Variants in DST observed in about 807,000 individuals in gnomAD.
DST encodes dystonin.
A neutral mutation model predicts 875.2 loss-of-function variants in DST; 253 were observed. That is an observed-to-expected ratio of 0.29 (90% CI 0.26 to 0.32). The LOEUF (loss-of-function observed/expected upper bound fraction) is 0.32, where lower values mean the gene tolerates loss of function less well. DST is among the 10% of genes least tolerant of loss of function. The probability of loss-of-function intolerance (pLI) is 1.00; values close to 1 mark genes in which losing one functional copy is unlikely to be tolerated. For missense variants in DST, 8,287 were observed against 9,111.6 expected (o/e 0.91, Z 3.68); for synonymous variants, 3,124 against 3,197.1 (o/e 0.98, Z 0.77).
intron 102 of DST, chr6:56,460,883 GAGA>G (rs2094293592): frequency 1.3e-5 from 2 of 152,004 alleles, no homozygotes; most frequent in South Asian, 4.1e-4. Context: ...GCAACATTTG[GAGA>G]AGTTTTTTTT....
In DST at chr6:56,676,694, TAA is replaced by T. The variant is rs34164286; in HGVS notation, c.1048-5889_1048-5888del. Among the ~76,000 whole-genome samples, 1,005 of 143,688 alleles carry T rather than the reference TAA, an allele frequency of 7.0e-3. 7 individuals are homozygous for T. Among genetic ancestry groups the T allele is most frequent in the African/African-American group, 0.02 (785 of 39,216 alleles). 94.3% of individuals were successfully genotyped at this position (143,688 alleles called of 152,430 possible). A position where few individuals can be genotyped will look rare whatever the true frequency, so the allele number is the denominator to read the frequency against. On this transcript the variant is annotated intron_variant, in intron 9 of 103. Transcript: ENST00000680361. Reference sequence around the variant, plus strand: ...CAAACAATACAGTACTGATCAGCCTTAAAAAAAAAAAAAAGGAGGAAATGTAG... The same window carrying T: ...CAAACAATACAGTACTGATCAGCCTTAAAAAAAAAAAAGGAGGAAATGTAG...
intron 4 of DST, among the ~76,000 whole-genome samples, chr6:56,808,428 T>A (rs571233325): frequency 6.6e-6 from 1 of 152,146 alleles, no homozygotes; most frequent in Non-Finnish European, 1.5e-5. Flanking sequence ...ACCACAGTAA[T>A]AATAAAACTT....
rs2098496064 is a variant in DST at position 56,606,208 on chromosome 6, T to C, written c.8420A>G (p.Asp2807Gly). ...TTCTTCATCAATGCCATCATCATCA[T>C]CGTCATCCTGATCATTACTGTCATA... ...YIYDSNDQDD[D>G]DDDGIDEEGG... is the part of the protein sequence containing the mutation. Residue 2807 changes from aspartate (D) to glycine (G), a missense_variant, in exon 40 of 104, where the codon GAT becomes GGT. Physicochemically the swap from Asp to Gly is moderately conservative, Grantham distance 94. Around this residue, in one of 10 missense-constraint regions of DST, gnomAD observed 3,138 missense variants for 3,116.6 expected, o/e 1.01. Coordinates refer to ENST00000680361, the MANE Select transcript of DST (RefSeq NM_001374736.1). 6.4e-7 allele frequency: 1 copy of C among 1,574,598 alleles called. No individual in the cohort carries two copies. Among genetic ancestry groups the C allele is most frequent in the Non-Finnish European group, 8.6e-7 (1 of 1,157,902 alleles).
chr6:56,641,115 CAG>C (rs145412096), intron 17 of DST, among the ~76,000 whole-genome samples: 1,958 of 141,970 alleles, frequency 0.014, 14 homozygotes, highest in Middle Eastern at 0.021. Flanking sequence ...TATTTATGCA[CAG>C]AGAGAGAGAG....
intron 3 of DST, among the ~76,000 whole-genome samples, chr6:56,874,177 A>G (rs967621147): frequency 1.3e-5 from 2 of 152,176 alleles, no homozygotes; most frequent in East Asian, 3.8e-4. Flanking sequence ...TAGTATCCAT[A>G]AAAATTAAAA....
intron 69 of DST, among the ~76,000 whole-genome samples, chr6:56,518,045 A>T (rs555398682): frequency 6.6e-6 from 1 of 152,300 alleles, no homozygotes; most frequent in South Asian, 2.1e-4. Flanking sequence ...AGTTCCAAGC[A>T]AAAAGAATAG....
chr6:56,909,543 CAG>C (rs1196866128), intron 2 of DST, among the ~76,000 whole-genome samples: 2 of 152,152 alleles, frequency 1.3e-5, no homozygotes, highest in Non-Finnish European at 2.9e-5. Flanking sequence ...AAACAACAAA[CAG>C]ATTTGTATTT....
Position 56,594,103 on chromosome 6 carries a change from G to A in DST, c.12286C>T (p.Leu4096Phe). 2 of 1,607,984 alleles carry A rather than the reference G, an allele frequency of 1.2e-6. No individual in the cohort carries two copies. The highest frequency in any genetic ancestry group is 1.1e-5 in the South Asian group (1 of 89,620). ...AGTTTCTCTTTTTCTTCAGGAGAGA[G>A]ATACTGACCCTGTTTCTCAAGCAAC... Reference protein sequence around the residue: ...QVLLEKQGQYLSPEEKEKLQK... With the variant: ...QVLLEKQGQYFSPEEKEKLQK... Residue 4096 changes from leucine (L) to phenylalanine (F), a missense_variant, in exon 48 of 104, where the codon CTC becomes TTC. This residue lies in a region of DST where 1,513 missense variants were observed against 1,677.8 expected (regional missense o/e 0.90). Transcript: ENST00000680361.
intron 2 of DST, among the ~76,000 whole-genome samples, chr6:56,924,774 T>C (rs1179952275): frequency 6.6e-6 from 1 of 152,130 alleles, no homozygotes; most frequent in Non-Finnish European, 1.5e-5. Context: ...CCCATACTTC[T>C]TATGATTAAG....
chr6:56,788,782 G>A (rs1365448976), intron 4 of DST, among the ~76,000 whole-genome samples: 1 of 152,124 alleles, frequency 6.6e-6, no homozygotes, highest in Non-Finnish European at 1.5e-5. Context: ...CTCCAGTACT[G>A]AGCAATTATG....
chr6:56,763,715 AC>A (rs2099624453), intron 4 of DST, among the ~76,000 whole-genome samples: 1 of 148,468 alleles, frequency 6.7e-6, no homozygotes, highest in Non-Finnish European at 1.5e-5. Flanking sequence ...ACACACACAC[AC>A]ACACACACAT....
chr6:56,604,066 A>T lies in DST; in HGVS notation c.10562T>A (p.Met3521Lys), dbSNP rs1391159042. 6.3e-7 allele frequency: 1 copy of T among 1,583,974 alleles called. No homozygotes were observed. The highest frequency in any genetic ancestry group is 8.6e-7 in the Non-Finnish European group (1 of 1,162,778). ...AAGAATATGTGGCTTTTCTTCCATC[A>T]TCTCAGATGTAGAACATGCTTTTTG... ...FNQKACSTSE[M>K]MEEKPHILGD... The change falls in exon 40 of 104, where the codon ATG (methionine) becomes AAG (lysine). Residue 3521 changes from methionine (M) to lysine (K), a missense_variant. Transcript: ENST00000680361.
intron 2 of DST, among the ~76,000 whole-genome samples, chr6:56,915,066 T>C (rs982226751): frequency 6.6e-6 from 1 of 152,162 alleles, no homozygotes; most frequent in Non-Finnish European, 1.5e-5. Context: ...TAAATAGCTG[T>C]GCCACCAGCA....
intron 10 of DST, among the ~76,000 whole-genome samples, chr6:56,653,536 T>A (rs575449738): frequency 1.3e-4 from 20 of 151,882 alleles, no homozygotes; most frequent in Admixed American, 3.9e-4. Context: ...AATGCAAAAA[T>A]TAGCCAGGCG....
rs777751137 is a variant in DST, at chr6:56,619,137, G to C, written c.4930-4653C>G. 2 of 1,613,856 alleles carry C rather than the reference G, an allele frequency of 1.2e-6. No homozygotes were observed. The highest frequency in any genetic ancestry group is 1.7e-6 in the Non-Finnish European group (2 of 1,179,974). On this transcript the variant is annotated intron_variant, in intron 36 of 103. Coordinates refer to ENST00000680361, the MANE Select transcript of DST (RefSeq NM_001374736.1). ...TCCTGCTCTGTTTTTGTCTGTTTAT[G>C]CAAGTGTTCATTTGTGCTGCGTAGC...
chr6:56,917,957 C>T (rs1764684569), intron 2 of DST, among the ~76,000 whole-genome samples: 1 of 152,132 alleles, frequency 6.6e-6, no homozygotes, highest in African/African-American at 2.4e-5. Flanking sequence ...GTGAATGTCC[C>T]TGTTTTGAAT....
At position 56,900,413 on chromosome 6, in the gene DST, C is replaced by A; in HGVS notation, c.417+8G>T. On this transcript the variant is annotated splice_region_variant and intron_variant, in intron 3 of 103. Transcript: ENST00000680361. ...TAATATTTTTATAAAAGACAGTTCT[C>A]TACTTACAGGCCTCCTGATTGAAGC... 1 of 1,364,522 alleles carries A rather than the reference C, an allele frequency of 7.3e-7. No individual in the cohort carries two copies. Among genetic ancestry groups the A allele is most frequent in the South Asian group, 1.1e-5 (1 of 87,212 alleles). 84.5% of individuals were successfully genotyped at this position (1,364,522 alleles called of 1,614,324 possible). A position where few individuals can be genotyped will look rare whatever the true frequency, so the allele number is the denominator to read the frequency against.
chr6:56,825,597 T>A (rs941949695), intron 4 of DST, among the ~76,000 whole-genome samples: 1 of 152,048 alleles, frequency 6.6e-6, no homozygotes, highest in African/African-American at 2.4e-5. Flanking sequence ...TAAACAAATA[T>A]GCAACTTGCT....
chr6:56,499,101 G>T (rs900091805), intron 80 of DST, among the ~76,000 whole-genome samples: 7 of 152,020 alleles, frequency 4.6e-5, no homozygotes, highest in Non-Finnish European at 1.0e-4. Context: ...TACATTTTTG[G>T]AAAGCAGAAG....
Sources: gnomAD v4.1 joint callset for allele counts (sites outside exome capture counted in the v4.1 genomes callset) on GRCh38, gnomAD v4.1.1 for gene constraint, gnomAD v4.1.1 regional missense constraint, MANE v1.5 for transcripts, NCBI Gene and HGNC (gene_info 2026-07-23, HGNC 2026-07-21) for gene names.